Variants in WDR31 observed in about 807,000 individuals in gnomAD.
WDR31 encodes the protein WD repeat domain 31, also known as WD repeat-containing protein 31.
WDR31 carries 30 observed loss-of-function variants against 47.3 expected under a neutral mutation model. That is an observed-to-expected ratio of 0.63 (90% CI 0.47 to 0.86). The LOEUF (loss-of-function observed/expected upper bound fraction) is 0.86, where lower values mean the gene tolerates loss of function less well. WDR31 is among the 40% of genes least tolerant of loss of function. The pLI is 0.00. For missense variants in WDR31, 406 were observed against 442.9 expected, an observed-to-expected ratio of 0.92 and a Z score of 0.75; for synonymous variants, 137 against 159.4, an observed-to-expected ratio of 0.86 and a Z score of 1.06.
intron 1 of WDR31, among the ~76,000 whole-genome samples, chr9:113,337,464 ATTT>A (rs151093541): frequency 1.0e-4 from 14 of 135,460 alleles, no homozygotes; most frequent in Admixed American, 1.5e-4. Context: ...AGCATTTTGG[ATTT>A]TTTTTTTTTT....
chr9:113,319,928 T>A (rs561184432), intron 9 of WDR31, among the ~76,000 whole-genome samples: 1 of 152,284 alleles, frequency 6.6e-6, no homozygotes, highest in South Asian at 2.1e-4. Flanking sequence ...CAGAGAGCCC[T>A]AAGTTGATGA....
intron 9 of WDR31, 110 bp downstream of exon 9, chr9:113,320,247 G>A: frequency 7.2e-7 from 1 of 1,397,080 alleles, no homozygotes; most frequent in Non-Finnish European, 9.7e-7. Context: ...TTTGAAAGAG[G>A]CCTGAGCCAT....
At chr9:113,331,498 G>A (rs1833595717) in intron 3 of WDR31, among the ~76,000 whole-genome samples, 1 of 152,288 alleles carries the variant, frequency 6.6e-6, no homozygotes, top group South Asian at 2.1e-4. Context: ...GCCCAGACTG[G>A]AGTGCAGTGG....
In WDR31 at chr9:113,315,057, G is replaced by A. The variant is rs1833160039; in HGVS notation, c.*1692C>T. The A allele has an allele frequency of 6.6e-6, 1 of 152,128 alleles. No individual in the cohort carries two copies. The highest frequency in any genetic ancestry group is 6.6e-5 in the Admixed American group (1 of 15,264). The allele number at this position is 152,128 out of a possible 1,614,324, so 9.4% of individuals were successfully genotyped here. ...TCATCCAGCTAAATGGAGAAGTGGA[G>A]ATTCAAAGTCGGGTCTGACTCTTTG... On this transcript the variant is annotated 3_prime_UTR_variant, in exon 11 of 11. Coordinates refer to ENST00000374193, the MANE Select transcript of WDR31 (RefSeq NM_001012361.4).
At chr9:113,318,241 T>G (rs978109968) in intron 10 of WDR31, among the ~76,000 whole-genome samples, 3 of 152,218 alleles carry the variant, frequency 2.0e-5, no homozygotes, top group African/African-American at 7.2e-5. Flanking sequence ...ATGAAGAACT[T>G]CAGGTAGAAA....
At chr9:113,317,395 G>A (rs1833229547) in intron 10 of WDR31, among the ~76,000 whole-genome samples, 1 of 152,180 alleles carries the variant, frequency 6.6e-6, no homozygotes, top group Non-Finnish European at 1.5e-5. Flanking sequence ...AACTACAGGC[G>A]CATACCTGGT....
chr9:113,336,863 T>G (rs947176563), intron 1 of WDR31, among the ~76,000 whole-genome samples: 3 of 152,324 alleles, frequency 2.0e-5, no homozygotes, highest in Non-Finnish European at 2.9e-5. Context: ...TTGCTCAAAA[T>G]TATAACTAAG....
intron 2 of WDR31, among the ~76,000 whole-genome samples, chr9:113,333,270 A>T (rs377699765): frequency 2.9e-4 from 44 of 152,184 alleles, no homozygotes; most frequent in African/African-American, 1.0e-3. Flanking sequence ...AATACTAAGA[A>T]GATGTAATCA....
rs916593658 is a variant in WDR31, at chr9:113,314,563, G to A, written c.*2186C>T. 6.6e-6 allele frequency: 1 copy of A among 151,998 alleles called. No homozygotes were observed. Among genetic ancestry groups the A allele is most frequent in the Non-Finnish European group, 1.5e-5 (1 of 68,012 alleles). The allele number at this position is 151,998 out of a possible 1,614,324, so 9.4% of individuals were successfully genotyped here. A position where few individuals can be genotyped will look rare whatever the true frequency, so the allele number is the denominator to read the frequency against. ...AGGGAACATTTAGTCTGGACAGAGA[G>A]GACAATAAATAATTATGGCTACCAT... On this transcript the variant is annotated 3_prime_UTR_variant, in exon 11 of 11. Transcript: ENST00000374193.
chr9:113,321,624 C>A (rs760336247), intron 7 of WDR31, 46 bp from the exon 8 acceptor site: 2 of 1,564,402 alleles, frequency 1.3e-6, no homozygotes, highest in East Asian at 4.5e-5. Context: ...CAAGTCATTC[C>A]TCTGCTGTAA....
intron 5 of WDR31, among the ~76,000 whole-genome samples, chr9:113,325,871 C>T (rs994470985): frequency 6.6e-6 from 1 of 151,936 alleles, no homozygotes; most frequent in African/African-American, 2.4e-5. Flanking sequence ...CTTTAATATT[C>T]ATTGGCTTTA....
chr9:113,332,653 C>G (rs1833624723), intron 2 of WDR31, among the ~76,000 whole-genome samples: 1 of 152,136 alleles, frequency 6.6e-6, no homozygotes, highest in African/African-American at 2.4e-5. Flanking sequence ...AAGGAAGAGA[C>G]TGGGGAGTGA....
chr9:113,331,972 C>A lies in WDR31; in HGVS notation c.51G>T (p.Ser17=), dbSNP rs577762065. 1.2e-6 allele frequency: 2 copies of A among 1,614,028 alleles called. No individual in the cohort carries two copies. Among genetic ancestry groups the A allele is most frequent in the East Asian group, 2.2e-5 (1 of 44,886 alleles). The change falls in exon 3 of 11, where the codon TCG becomes TCT. Residue 17 remains serine (S), a synonymous_variant. Coordinates refer to ENST00000374193, the MANE Select transcript of WDR31 (RefSeq NM_001012361.4). ...QLKQAPPQKV[S]FRFCVVMGKQ... ...TCCCCATCACGACACAAAACCTAAACGAAACCTTCTGTGGAGGAGCTTGTT... is the reference window on the plus strand; with the variant it reads ...TCCCCATCACGACACAAAACCTAAAAGAAACCTTCTGTGGAGGAGCTTGTT...
chr9:113,322,241 C>T (rs972618250), intron 7 of WDR31, among the ~76,000 whole-genome samples: 10 of 151,842 alleles, frequency 6.6e-5, no homozygotes, highest in Non-Finnish European at 1.2e-4. Flanking sequence ...TAAATGAAGA[C>T]ACAGACACTC....
chr9:113,335,592 T>TA (rs528327777), intron 2 of WDR31, among the ~76,000 whole-genome samples: 65 of 152,104 alleles, frequency 4.3e-4, no homozygotes, highest in Non-Finnish European at 6.6e-4. Flanking sequence ...CCATTAGCAT[T>TA]AAAAAAATGG....
At chr9:113,331,224 A>C (rs1833591251) in intron 3 of WDR31, 108 bp from the exon 4 acceptor site, 1 of 806,930 alleles carries the variant, frequency 1.2e-6, no homozygotes. Flanking sequence ...TTCAGGCCAG[A>C]CTAAGGAGAA....
chr9:113,322,997 C>T lies in WDR31; in HGVS notation c.469+14G>A, dbSNP rs773957108. On this transcript the variant is annotated intron_variant, in intron 6 of 10. Transcript: ENST00000374193. ...AAGCACAAAGGCATTGGGAAGAGGT[C>T]CGCTTTGTTTTACCTGGACTCACAG... 6 of 1,613,696 alleles carry T rather than the reference C, an allele frequency of 3.7e-6. No individual in the cohort carries two copies. The African/African-American group carries it at 6.7e-5, about 18-fold the overall frequency.
intron 3 of WDR31, 85 bp downstream of exon 3, chr9:113,331,822 A>G: frequency 3.1e-6 from 4 of 1,284,100 alleles, no homozygotes; most frequent in Non-Finnish European, 4.4e-6. Flanking sequence ...GGCCATCAAC[A>G]TTCGCCCTGG....
In WDR31 at chr9:113,331,809, G is replaced by C. The variant is rs1833603834; in HGVS notation, c.116+98C>G. On this transcript the variant is annotated intron_variant, in intron 3 of 10. Transcript: ENST00000374193. ...ATTCAGGGAAGGCCAACTATTCAGG[G>C]AAGGCCATCAACATTCGCCCTGGGC... The C allele has an allele frequency of 1.6e-5, 18 of 1,105,238 alleles. No individual in the cohort carries two copies. The South Asian group carries it at 2.2e-4, about 13-fold the overall frequency. 68.5% of individuals were successfully genotyped at this position (1,105,238 alleles called of 1,614,324 possible).
Sources: allele counts gnomAD v4.1 joint callset (sites outside exome capture counted in the v4.1 genomes callset), GRCh38; gene constraint gnomAD v4.1.1; transcripts MANE v1.5; gene names NCBI Gene and HGNC (gene_info 2026-07-23, HGNC 2026-07-21).